THSD7B: variants seen among roughly 807,000 people sequenced by gnomAD.
THSD7B encodes thrombospondin type-1 domain-containing protein 7B.
A neutral mutation model predicts 213.6 loss-of-function variants in THSD7B; 138 were observed. The observed-to-expected ratio is 0.65, with a 90% CI of 0.56 to 0.74. The LOEUF is 0.74. THSD7B is among the 30% of genes least tolerant of loss of function. The pLI, the probability that THSD7B is intolerant of heterozygous loss-of-function variation, is 0.00. For synonymous variants in THSD7B, 742 were observed against 687.0 expected (o/e 1.08, Z -1.25); for missense variants, 1,931 against 1,991.5 (o/e 0.97, Z 0.58).
At chr2:137,134,535 G>A (rs1490164271) in intron 5 of THSD7B, among the ~76,000 whole-genome samples, 2 of 152,110 alleles carry the variant, frequency 1.3e-5, no homozygotes, top group Non-Finnish European at 2.9e-5. Context: ...CCATGCGCTG[G>A]CACTCTAGGG....
chr2:137,581,132 T>C (rs1008013201), intron 17 of THSD7B, among the ~76,000 whole-genome samples: 1 of 152,222 alleles, frequency 6.6e-6, no homozygotes, highest in African/African-American at 2.4e-5. Context: ...TGTATGTATA[T>C]ATACAATATA....
chr2:137,034,480 A>G (rs1221536932), intron 2 of THSD7B, among the ~76,000 whole-genome samples: 1 of 152,146 alleles, frequency 6.6e-6, no homozygotes, highest in Non-Finnish European at 1.5e-5. Flanking sequence ...GGTTTTTTAC[A>G]TAGGTATACA....
intron 12 of THSD7B, among the ~76,000 whole-genome samples, chr2:137,280,371 T>C (rs959932258): frequency 3.3e-5 from 5 of 152,174 alleles, no homozygotes; most frequent in Admixed American, 3.3e-4. Flanking sequence ...TGTTGTCATA[T>C]GCTTTAGTCT....
chr2:137,252,889 T>C (rs1257011165), intron 10 of THSD7B, among the ~76,000 whole-genome samples: 1 of 151,608 alleles, frequency 6.6e-6, no homozygotes, highest in Non-Finnish European at 1.5e-5. Context: ...GAGACTAGCA[T>C]GTTTCCAATA....
chr2:137,348,340 G>T (rs1684924680), intron 12 of THSD7B, among the ~76,000 whole-genome samples: 1 of 151,754 alleles, frequency 6.6e-6, no homozygotes, highest in Non-Finnish European at 1.5e-5. Flanking sequence ...TGCAAGGCCA[G>T]ATGTTCATAT....
At chr2:137,135,451 G>T (rs1380874998) in intron 5 of THSD7B, among the ~76,000 whole-genome samples, 1 of 152,154 alleles carries the variant, frequency 6.6e-6, no homozygotes, top group Non-Finnish European at 1.5e-5. Flanking sequence ...CCCTTCTTTG[G>T]AGTTTTCTTC....
chr2:136,959,498 T>C (rs970121588), intron 2 of THSD7B, among the ~76,000 whole-genome samples: 27 of 152,224 alleles, frequency 1.8e-4, no homozygotes, highest in Admixed American at 7.2e-4. Flanking sequence ...ACTTACTACC[T>C]TTCATATCCT....
intron 3 of THSD7B, among the ~76,000 whole-genome samples, chr2:137,093,613 C>T (rs1687990539): frequency 6.6e-6 from 1 of 152,136 alleles, no homozygotes; most frequent in Admixed American, 6.5e-5. Context: ...CTGAGAAGCT[C>T]CCATTAATCT....
At chr2:136,915,814 A>G (rs142213787) in intron 2 of THSD7B, among the ~76,000 whole-genome samples, 1 of 152,328 alleles carries the variant, frequency 6.6e-6, no homozygotes, top group African/African-American at 2.4e-5. Context: ...CAGTTTTTGG[A>G]TGGTTATAAT....
At chr2:137,502,685 A>C (rs1174389654) in intron 15 of THSD7B, among the ~76,000 whole-genome samples, 1 of 152,240 alleles carries the variant, frequency 6.6e-6, no homozygotes, top group African/African-American at 2.4e-5. Flanking sequence ...TTGGATATTT[A>C]ATCCTTGAGA....
chr2:137,242,402 G>A (rs1386371376), intron 9 of THSD7B, 55 bp from the exon 10 acceptor site: 23 of 1,386,336 alleles, frequency 1.7e-5, no homozygotes, highest in East Asian at 1.6e-4. Flanking sequence ...ATAGTTCTGC[G>A]TTCAACGGCT....
At chr2:137,236,286 C>T (rs1474664151) in intron 9 of THSD7B, among the ~76,000 whole-genome samples, 1 of 152,186 alleles carries the variant, frequency 6.6e-6, no homozygotes, top group East Asian at 1.9e-4. Context: ...TATCTCTAAA[C>T]CCACTGCACT....
chr2:137,046,608 T>C (rs1686974641), intron 2 of THSD7B, among the ~76,000 whole-genome samples: 1 of 151,722 alleles, frequency 6.6e-6, no homozygotes, highest in Non-Finnish European at 1.5e-5. Flanking sequence ...CGGGCACTTG[T>C]AATTCCAGCT....
At chr2:137,454,998 C>G (rs892070515) in intron 15 of THSD7B, among the ~76,000 whole-genome samples, 1 of 18,000 alleles carries the variant, frequency 5.6e-5, no homozygotes, top group African/African-American at 2.0e-4. Context: ...TTGAACCTAA[C>G]ATACTGTTCA....
At chr2:136,895,514 CTTTTTTT>C (rs71301798) in intron 2 of THSD7B, among the ~76,000 whole-genome samples, 1,342 of 73,912 alleles carry the variant, frequency 0.018, 27 homozygotes, top group African/African-American at 0.062. Context: ...CAAGTGGAGA[CTTTTTTT>C]TTTTTTTTTT....
At chr2:137,400,093 T>C (rs1359868321) in intron 12 of THSD7B, among the ~76,000 whole-genome samples, 1 of 152,216 alleles carries the variant, frequency 6.6e-6, no homozygotes, top group African/African-American at 2.4e-5. Flanking sequence ...ATTCATATCC[T>C]AAATTGATTT....
At chr2:136,860,509 C>G (rs1397109300) in intron 1 of THSD7B, among the ~76,000 whole-genome samples, 1 of 152,204 alleles carries the variant, frequency 6.6e-6, no homozygotes, top group Non-Finnish European at 1.5e-5. Context: ...TCTTACTGCA[C>G]AGCCTTCCCC....
chr2:137,598,350 T>G (rs950132477), intron 17 of THSD7B, among the ~76,000 whole-genome samples: 3 of 152,192 alleles, frequency 2.0e-5, no homozygotes, highest in Non-Finnish European at 2.9e-5. Context: ...ATTTTCTTTT[T>G]CATGAGCTAG....
intron 5 of THSD7B, among the ~76,000 whole-genome samples, chr2:137,122,234 T>G (rs1274674722): frequency 1.3e-5 from 2 of 152,186 alleles, no homozygotes. Context: ...TCAGTGTTAC[T>G]TTTGACCTCT....
Sources: allele counts gnomAD v4.1 joint callset (sites outside exome capture counted in the v4.1 genomes callset), GRCh38; gene constraint gnomAD v4.1.1; transcripts MANE v1.5; gene names NCBI Gene and HGNC (gene_info 2026-07-23, HGNC 2026-07-21).